The following PTPRD variants were observed in gnomAD, a reference collection of about 807,000 sequenced individuals.
PTPRD encodes receptor-type tyrosine-protein phosphatase delta.
A neutral mutation model predicts 214.5 loss-of-function variants in PTPRD; 34 were observed. The observed-to-expected ratio is 0.16, with a 90% CI of 0.12 to 0.21. The LOEUF (loss-of-function observed/expected upper bound fraction) is 0.21, where lower values mean the gene tolerates loss of function less well. PTPRD is among the 10% of genes least tolerant of loss of function. The pLI is 1.00. For synonymous variants in PTPRD, 1,128 were observed against 845.7 expected, an observed-to-expected ratio of 1.33 and a Z score of -5.79; for missense variants, 2,545 against 2,398.7, an observed-to-expected ratio of 1.06 and a Z score of -1.27.
At chr9:9,275,821 G>C (rs556864351) in intron 9 of PTPRD, among the ~76,000 whole-genome samples, 1 of 147,432 alleles carries the variant, frequency 6.8e-6, no homozygotes, top group South Asian at 2.2e-4. Flanking sequence ...CGAAACAGCT[G>C]TGTGTGTGTG....
At chr9:9,809,530 C>T (rs1245156741) in intron 5 of PTPRD, among the ~76,000 whole-genome samples, 1 of 152,134 alleles carries the variant, frequency 6.6e-6, no homozygotes. Flanking sequence ...TCCCAAAGTG[C>T]TGGGATTACA....
chr9:8,766,219 G>C (rs1019866292), intron 11 of PTPRD, among the ~76,000 whole-genome samples: 1 of 151,706 alleles, frequency 6.6e-6, no homozygotes, highest in African/African-American at 2.4e-5. Flanking sequence ...CCCCAGCCGA[G>C]GCCACTGTCT....
chr9:9,431,832 T>G (rs903149581), intron 8 of PTPRD, among the ~76,000 whole-genome samples: 4 of 138,950 alleles, frequency 2.9e-5, no homozygotes. Context: ...ATGTTCTCTC[T>G]CATAGGTGGG....
intron 5 of PTPRD, among the ~76,000 whole-genome samples, chr9:9,831,427 G>C (rs1475713892): frequency 6.6e-6 from 1 of 151,922 alleles, no homozygotes; most frequent in Non-Finnish European, 1.5e-5. Context: ...GTATGAGTTT[G>C]GAAAGAGTTA....
chr9:10,094,289 C>T lies in PTPRD; in HGVS notation c.-544-60499G>A, dbSNP rs562182082. On this transcript the variant is annotated intron_variant, in intron 3 of 45. Transcript: ENST00000381196. ...ACCCCTAAGAGACCTATTATGATGGCTTTAATGTAAAATTACTCACAAGTC... is the reference window on the plus strand; with the variant it reads ...ACCCCTAAGAGACCTATTATGATGGTTTTAATGTAAAATTACTCACAAGTC... 6.0e-5 allele frequency among the ~76,000 whole-genome samples: 9 copies of T among 151,138 alleles called. No individual in the cohort carries two copies. In the South Asian group the frequency reaches 1.9e-3, roughly 31 times the overall value.
rs901031932 is a variant in PTPRD, at chr9:10,033,798, G to A, written c.-544-8C>T. 2.6e-5 allele frequency: 4 copies of A among 152,064 alleles called. No homozygotes were observed. The highest frequency in any genetic ancestry group is 4.4e-5 in the Non-Finnish European group (3 of 67,994). The allele number at this position is 152,064 out of a possible 1,614,324, so 9.4% of individuals were successfully genotyped here. ...AGACTCCTCAAGATTTCCCTGAAAGGAAAAGTGAGAGATCGCTTTAATTCA... is the reference window on the plus strand; with the variant it reads ...AGACTCCTCAAGATTTCCCTGAAAGAAAAAGTGAGAGATCGCTTTAATTCA... On this transcript the variant is annotated splice_region_variant and splice_polypyrimidine_tract_variant and intron_variant, in intron 3 of 45. Coordinates refer to ENST00000381196, the MANE Select transcript of PTPRD (RefSeq NM_002839.4).
At chr9:8,368,366 CACTT>C (rs1251027825) in intron 39 of PTPRD, among the ~76,000 whole-genome samples, 1 of 152,100 alleles carries the variant, frequency 6.6e-6, no homozygotes, top group Non-Finnish European at 1.5e-5. Flanking sequence ...TGTAAACAGT[CACTT>C]ACAACACAAA....
At chr9:8,631,384 T>C (rs2096246607) in intron 14 of PTPRD, among the ~76,000 whole-genome samples, 2 of 151,896 alleles carry the variant, frequency 1.3e-5, no homozygotes, top group Non-Finnish European at 2.9e-5. Flanking sequence ...CCACCCTTGA[T>C]GGTTGGGCTT....
At chr9:8,480,297 G>C (rs1024612846) in intron 30 of PTPRD, among the ~76,000 whole-genome samples, 1 of 152,088 alleles carries the variant, frequency 6.6e-6, no homozygotes, top group African/African-American at 2.4e-5. Flanking sequence ...CCATGGCCCA[G>C]CTAACTTCCT....
At chr9:8,726,007 G>GCAGA (rs201758183) in intron 12 of PTPRD, among the ~76,000 whole-genome samples, 18 of 146,800 alleles carry the variant, frequency 1.2e-4, no homozygotes, top group African/African-American at 3.3e-4. Flanking sequence ...TTTCCACATA[G>GCAGA]CAGACAGACA....
intron 5 of PTPRD, among the ~76,000 whole-genome samples, chr9:9,884,957 A>G (rs771665554): frequency 1.1e-4 from 17 of 152,240 alleles, no homozygotes; most frequent in Non-Finnish European, 2.2e-4. Flanking sequence ...CTTTATTAGC[A>G]GTGTGAGAAC....
intron 10 of PTPRD, among the ~76,000 whole-genome samples, chr9:9,154,786 CA>C (rs2154490927): frequency 1.3e-5 from 2 of 152,174 alleles, no homozygotes; most frequent in African/African-American, 4.8e-5. Flanking sequence ...ATGAAAATGA[CA>C]AAAACCACTT....
chr9:9,781,346 A>C (rs1261846895), intron 5 of PTPRD, among the ~76,000 whole-genome samples: 1 of 152,192 alleles, frequency 6.6e-6, no homozygotes, highest in Non-Finnish European at 1.5e-5. Context: ...AAGTAATTTA[A>C]AATAATTTAA....
chr9:9,328,661 A>G (rs2802283), intron 9 of PTPRD, among the ~76,000 whole-genome samples: 54,652 of 71,530 alleles, frequency 0.76, 20,575 homozygotes, highest in East Asian at 0.92. Flanking sequence ...TTTTTGAGAT[A>G]GAGTCTTGCT....
At chr9:10,472,028 G>C (rs909921804) in intron 2 of PTPRD, among the ~76,000 whole-genome samples, 1 of 151,988 alleles carries the variant, frequency 6.6e-6, no homozygotes, top group African/African-American at 2.4e-5. Context: ...ATTTTATTTA[G>C]CTTATGAGAT....
intron 7 of PTPRD, among the ~76,000 whole-genome samples, chr9:9,727,529 GTAGA>G (rs1162181033): frequency 6.6e-6 from 1 of 152,086 alleles, no homozygotes; most frequent in East Asian, 1.9e-4. Context: ...AAATAAAAAA[GTAGA>G]TAGTTTAACT....
At chr9:10,366,414 C>T (rs2097518203) in intron 2 of PTPRD, among the ~76,000 whole-genome samples, 1 of 152,144 alleles carries the variant, frequency 6.6e-6, no homozygotes, top group Admixed American at 6.6e-5. Context: ...CACTATAACT[C>T]ACATTGCTGG....
intron 2 of PTPRD, among the ~76,000 whole-genome samples, chr9:10,350,961 T>A (rs181203765): frequency 5.3e-5 from 8 of 152,138 alleles, no homozygotes; most frequent in Non-Finnish European, 1.0e-4. Flanking sequence ...CAGTGAGCTA[T>A]GATAATAGCA....
At chr9:9,998,129 A>AAATATATATATAT (rs57991748) in intron 4 of PTPRD, among the ~76,000 whole-genome samples, 2,305 of 91,234 alleles carry the variant, frequency 0.025, 50 homozygotes, top group Non-Finnish European at 0.03. Flanking sequence ...AAAAAAAAAA[A>AAATATATATATAT]ATATATATAT....
Sources: allele counts gnomAD v4.1 joint callset (sites outside exome capture counted in the v4.1 genomes callset), GRCh38; gene constraint gnomAD v4.1.1; transcripts MANE v1.5; gene names NCBI Gene and HGNC (gene_info 2026-07-23, HGNC 2026-07-21).